Variants in ITGA1 observed in about 807,000 individuals in gnomAD.
ITGA1 encodes the protein integrin alpha-1.
In ITGA1, 85 loss-of-function variants were observed where a neutral mutation model predicts 145.9. The observed-to-expected ratio is 0.58, with a 90% CI of 0.49 to 0.70. The LOEUF is 0.70. Among genes scored for constraint, ITGA1 ranks in the 30% least tolerant of loss-of-function variants. The pLI is 0.00. For synonymous variants in ITGA1, 520 were observed against 495.3 expected (o/e 1.05, Z -0.66); for missense variants, 1,351 against 1,418.7 (o/e 0.95, Z 0.77).
chr5:52,897,284 A>G (rs1750241060), intron 9 of ITGA1, among the ~76,000 whole-genome samples, 171 bp from the exon 10 acceptor site: 5 of 152,198 alleles, frequency 3.3e-5, no homozygotes, highest in Admixed American at 3.3e-4. Context: ...TCTTCTACCC[A>G]GGCCTACCTA....
Position 52,910,344 on chromosome 5 carries a change from G to C in ITGA1, c.1782G>C (p.Pro594=). Residue 594 remains proline (P), a synonymous_variant, in exon 14 of 29, where the codon CCG becomes CCC. Coordinates refer to ENST00000282588, the MANE Select transcript of ITGA1 (RefSeq NM_181501.2). ...DGFNDIVIGA[P]LEDDHGGAVY... ...TTAATGACATCGTGATAGGAGCTCC[G>C]CTGGAAGATGATCACGGGGGAGCTG... The C allele has an allele frequency of 6.2e-7, 1 of 1,613,792 alleles. No homozygotes were observed. The highest frequency in any genetic ancestry group is 8.5e-7 in the Non-Finnish European group (1 of 1,179,840).
chr5:52,853,383 T>C (rs535859067), intron 2 of ITGA1, among the ~76,000 whole-genome samples: 1 of 152,242 alleles, frequency 6.6e-6, no homozygotes, highest in African/African-American at 2.4e-5. Context: ...TACAGAATAA[T>C]TGACATATTT....
intron 1 of ITGA1, chr5:52,800,491 G>C: frequency 6.2e-7 from 1 of 1,614,106 alleles, no homozygotes; most frequent in Non-Finnish European, 8.5e-7. Context: ...TTACAACCTC[G>C]TGCAGGTGGG....
At chr5:52,834,533 A>C (rs1285953131) in intron 1 of ITGA1, among the ~76,000 whole-genome samples, 3 of 140,680 alleles carry the variant, frequency 2.1e-5, no homozygotes, top group African/African-American at 7.7e-5. Flanking sequence ...AGGGAGAGGA[A>C]GAAAGAGAAA....
intron 1 of ITGA1, among the ~76,000 whole-genome samples, chr5:52,796,597 T>C (rs1748348038): frequency 6.6e-6 from 1 of 151,988 alleles, no homozygotes; most frequent in East Asian, 1.9e-4. Context: ...TCAATAACAA[T>C]ATAAGTAAGT....
Position 52,955,066 on chromosome 5 carries a change from T to C in ITGA1, c.*2615T>C, listed in dbSNP as rs1751283074. On this transcript the variant is annotated 3_prime_UTR_variant, in exon 29 of 29. Transcript: ENST00000282588. ...GGTATTCTAAATAATTGATTATTGC[T>C]CCCATTGTAAACTGAACCATGTATG... 6.6e-6 allele frequency: 1 copy of C among 152,100 alleles called. No individual in the cohort carries two copies. Among genetic ancestry groups the C allele is most frequent in the South Asian group, 2.1e-4 (1 of 4,832 alleles). The allele number at this position is 152,100 out of a possible 1,614,324, so 9.4% of individuals were successfully genotyped here.
intron 1 of ITGA1, among the ~76,000 whole-genome samples, chr5:52,808,870 T>C (rs1327090385): frequency 6.6e-6 from 1 of 152,036 alleles, no homozygotes; most frequent in Non-Finnish European, 1.5e-5. Flanking sequence ...TCAAACACAA[T>C]AGGAGTTTTT....
At chr5:52,897,698 CT>C (rs1287454449) in intron 10 of ITGA1, among the ~76,000 whole-genome samples, 170 bp downstream of exon 10, 1 of 152,152 alleles carries the variant, frequency 6.6e-6, no homozygotes, top group Non-Finnish European at 1.5e-5. Flanking sequence ...ATTTCACAAG[CT>C]TCTTATTAAG....
chr5:52,834,284 G>A (rs1238952757), intron 1 of ITGA1, among the ~76,000 whole-genome samples: 2 of 152,136 alleles, frequency 1.3e-5, no homozygotes, highest in East Asian at 1.9e-4. Context: ...TAACAGAAAT[G>A]TATTCTCCCT....
rs1750393805 is a variant in ITGA1, at chr5:52,905,823, C to G, written c.1370C>G (p.Pro457Arg). 6.2e-7 allele frequency: 1 copy of G among 1,613,698 alleles called. No individual in the cohort carries two copies. Among genetic ancestry groups the G allele is most frequent in the Non-Finnish European group, 8.5e-7 (1 of 1,179,796 alleles). ...GATGTGCTCTATATTGCTGGACAGC[C>G]TCGGTACAATCATACAGGCCAGGTC... is the stretch of plus-strand genomic sequence containing the variant. Reference protein sequence around the residue: ...SGDVLYIAGQPRYNHTGQVII... With the variant: ...SGDVLYIAGQRRYNHTGQVII... The change falls in exon 12 of 29, where the codon CCT (proline) becomes CGT (arginine). Residue 457 changes from proline (P) to arginine (R), a missense_variant. By Grantham distance (103) the Pro-to-Arg change is moderately radical. Transcript: ENST00000282588.
At position 52,801,210 on chromosome 5, in the gene ITGA1, A is replaced by G. The variant is rs1343016967; in HGVS notation, c.61+12796A>G. 8.3e-6 allele frequency: 11 copies of G among 1,328,350 alleles called. No homozygotes were observed. In the East Asian group the frequency reaches 2.6e-4, roughly 31 times the overall value. The allele number at this position is 1,328,350 out of a possible 1,614,324, so 82.3% of individuals were successfully genotyped here. A position where few individuals can be genotyped will look rare whatever the true frequency, so the allele number is the denominator to read the frequency against. On this transcript the variant is annotated intron_variant, in intron 1 of 28. Transcript: ENST00000282588. ...AGTTTTAGAACTGGGAAAAATAAGA[A>G]GAGAAAGTCTTTACTTAGCTGGGAT...
chr5:52,952,488 TAA>T lies in ITGA1; in HGVS notation c.*38_*39del. 3 of 990,890 alleles carry T rather than the reference TAA, an allele frequency of 3.0e-6. No individual in the cohort carries two copies. Among genetic ancestry groups the T allele is most frequent in the Non-Finnish European group, 4.5e-6 (3 of 669,120 alleles). The allele number at this position is 990,890 out of a possible 1,614,324, so 61.4% of individuals were successfully genotyped here. A position where few individuals can be genotyped will look rare whatever the true frequency, so the allele number is the denominator to read the frequency against. On this transcript the variant is annotated 3_prime_UTR_variant, in exon 29 of 29. Coordinates refer to ENST00000282588, the MANE Select transcript of ITGA1 (RefSeq NM_181501.2). ...AAAGAAAATAATAACAATTATTCAA[TAA>T]TCTATCCTCAGGTTTGCCTCAAATA...
chr5:52,916,607 A>T (rs546891839), intron 15 of ITGA1, among the ~76,000 whole-genome samples: 36 of 149,334 alleles, frequency 2.4e-4, no homozygotes, highest in South Asian at 8.5e-4. Flanking sequence ...ATCACTATTT[A>T]AAAAAAAAAC....
chr5:52,861,464 C>T lies in ITGA1; in HGVS notation c.200C>T (p.Pro67Leu), dbSNP rs200592092. Reference sequence around the variant, plus strand: ...ACTTCCAGGGTGCTTATTGGTTCTCCGTTAGTTGGCCAACCCAAAAACAGA... The same window carrying T: ...ACTTCCAGGGTGCTTATTGGTTCTCTGTTAGTTGGCCAACCCAAAAACAGA... ...EEGKWVLIGS[P>L]LVGQPKNRTG... Residue 67 changes from proline to leucine, a missense_variant, in exon 3 of 29, where the codon CCG (proline) becomes CTG (leucine). Transcript: ENST00000282588. The T allele has an allele frequency of 2.9e-5, 47 of 1,612,364 alleles. No individual in the cohort carries two copies. Among genetic ancestry groups the T allele is most frequent in the Middle Eastern group, 1.6e-4 (1 of 6,080 alleles).
At chr5:52,870,983 C>G (rs1237005816) in intron 6 of ITGA1, among the ~76,000 whole-genome samples, 3 of 152,206 alleles carry the variant, frequency 2.0e-5, no homozygotes, top group Admixed American at 2.0e-4. Context: ...ATTTCTCTAT[C>G]CTTATTTATC....
intron 7 of ITGA1, among the ~76,000 whole-genome samples, chr5:52,886,586 C>G (rs1750052938): frequency 1.3e-5 from 2 of 152,026 alleles, no homozygotes; most frequent in Admixed American, 1.3e-4. Context: ...TTACTTTAGT[C>G]CTAAATAAAA....
At chr5:52,856,500 C>T (rs567395729) in intron 2 of ITGA1, among the ~76,000 whole-genome samples, 7 of 152,184 alleles carry the variant, frequency 4.6e-5, no homozygotes, top group African/African-American at 7.2e-5. Context: ...AAACACCTTC[C>T]GAAACATCCC....
rs367934673 is a variant in ITGA1 at position 52,861,456 on chromosome 5, T to C, written c.192T>C (p.Ile64=). 5.0e-6 allele frequency: 8 copies of C among 1,610,224 alleles called. No individual in the cohort carries two copies. Among genetic ancestry groups the C allele is most frequent in the East Asian group, 4.5e-5 (2 of 44,880 alleles). Residue 64 remains isoleucine, a synonymous_variant, in exon 3 of 29, where the codon ATT becomes ATC. Coordinates refer to ENST00000282588, the MANE Select transcript of ITGA1 (RefSeq NM_181501.2). The part of the protein sequence containing the change: ...YENEEGKWVL[I]GSPLVGQPKN... ...TTTATTTAACTTCCAGGGTGCTTATTGGTTCTCCGTTAGTTGGCCAACCCA... is the reference window on the plus strand; with the variant it reads ...TTTATTTAACTTCCAGGGTGCTTATCGGTTCTCCGTTAGTTGGCCAACCCA...
At chr5:52,905,993 T>C in intron 12 of ITGA1, 85 bp downstream of exon 12, 1 of 1,194,088 alleles carries the variant, frequency 8.4e-7, no homozygotes, top group Non-Finnish European at 1.2e-6. Flanking sequence ...AACTTAAAAA[T>C]GCAATACCCA....
Sources: allele counts gnomAD v4.1 joint callset (sites outside exome capture counted in the v4.1 genomes callset), GRCh38; gene constraint gnomAD v4.1.1; transcripts MANE v1.5; gene names NCBI Gene and HGNC (gene_info 2026-07-23, HGNC 2026-07-21).